The following TXNRD2 variants were observed in gnomAD, a reference collection of about 807,000 sequenced individuals.
TXNRD2 encodes the protein thioredoxin reductase 2, mitochondrial.
A neutral mutation model predicts 70.8 loss-of-function variants in TXNRD2; 67 were observed. That is an observed-to-expected ratio of 0.95 (90% CI 0.78 to 1.16). TXNRD2 has a LOEUF of 1.16. Among genes scored for constraint, TXNRD2 ranks in the 50% most tolerant of loss-of-function variants. The pLI, the probability that TXNRD2 is intolerant of heterozygous loss-of-function variation, is 0.00. For missense variants in TXNRD2, 644 were observed against 719.9 expected (o/e 0.89, Z 1.21); for synonymous variants, 301 against 295.8 (o/e 1.02, Z -0.18).
chr22:19,941,517 G>A, intron 1 of TXNRD2, 184 bp downstream of exon 1: 1 of 1,058,880 alleles, frequency 9.4e-7, no homozygotes, highest in East Asian at 3.3e-5. Flanking sequence ...ACCTGGGAAG[G>A]GGGCTACTTG....
At chr22:19,920,924 A>C (rs922557540) in intron 2 of TXNRD2, among the ~76,000 whole-genome samples, 3 of 152,078 alleles carry the variant, frequency 2.0e-5, no homozygotes, top group African/African-American at 2.4e-5. Context: ...AACACGGTGA[A>C]ACCCTGTCTC....
In TXNRD2 at chr22:19,881,336, T is replaced by C. The variant is rs573014525; in HGVS notation, c.1087-619A>G. The stretch of plus-strand genomic sequence containing the variant: ...CATTCCAGAAATGCATAGAGATCCG[T>C]GGAGATAAACTCAGAGCGCAGCCTG... On this transcript the variant is annotated intron_variant, in intron 12 of 17. Transcript: ENST00000400521. 72 of 361,888 alleles carry C rather than the reference T, an allele frequency of 2.0e-4. No homozygotes were observed. The East Asian group carries it at 2.9e-3, about 14-fold the overall frequency. The allele number at this position is 361,888 out of a possible 1,614,324, so 22.4% of individuals were successfully genotyped here.
At chr22:19,876,837 T>G (rs1478093460) in intron 17 of TXNRD2, 1 of 372,332 alleles carries the variant, frequency 2.7e-6, no homozygotes, top group East Asian at 4.1e-5. Context: ...GGCCGGGGTC[T>G]GGGGTCCCCC....
chr22:19,883,408 T>C lies in TXNRD2; in HGVS notation c.1003A>G (p.Ser335Gly), dbSNP rs770266576. 2 of 1,614,040 alleles carry C rather than the reference T, an allele frequency of 1.2e-6. No homozygotes were observed. ...ACCAGGATCTTCTGAGTGTCGGGGC[T>C]AGTATCTACCCCAGCCTTCTCCAAA... ...LNLEKAGVDT[S>G]PDTQKILVDS... The change falls in exon 12 of 18, where the codon AGC becomes GGC. Residue 335 changes from serine (S) to glycine (G), a missense_variant. Transcript: ENST00000400521.
intron 7 of TXNRD2, among the ~76,000 whole-genome samples, 181 bp from the exon 8 acceptor site, chr22:19,911,628 T>C (rs752496300): frequency 2.6e-5 from 4 of 152,186 alleles, no homozygotes; most frequent in Non-Finnish European, 4.4e-5. Context: ...GCAGGTGGCC[T>C]GTCTGCATCT....
chr22:19,918,977 C>T lies in TXNRD2; in HGVS notation c.257G>A (p.Cys86Tyr), dbSNP rs1255996520. 1 of 1,611,760 alleles carries T rather than the reference C, an allele frequency of 6.2e-7. No individual in the cohort carries two copies. The highest frequency in any genetic ancestry group is 8.5e-7 in the Non-Finnish European group (1 of 1,179,878). Reference sequence around the variant, plus strand: ...CTTGGGGATGCAGCCCACGTTGACGCAGGTGCCGCCGAGGCCCCACCGGGT... The same window carrying T: ...CTTGGGGATGCAGCCCACGTTGACGTAGGTGCCGCCGAGGCCCCACCGGGT... ...QGTRWGLGGT[C>Y]VNVGCIPKKL... Residue 86 changes from cysteine to tyrosine, a missense_variant, in exon 4 of 18, where the codon TGC (cysteine) becomes TAC (tyrosine). Transcript: ENST00000400521.
At chr22:19,911,626 C>T (rs1248461734) in intron 7 of TXNRD2, among the ~76,000 whole-genome samples, 179 bp from the exon 8 acceptor site, 1 of 152,154 alleles carries the variant, frequency 6.6e-6, no homozygotes, top group Non-Finnish European at 1.5e-5. Context: ...CTGCAGGTGG[C>T]CTGTCTGCAT....
intron 11 of TXNRD2, chr22:19,895,203 G>A (rs1939444603): frequency 6.3e-7 from 1 of 1,598,282 alleles, no homozygotes; most frequent in East Asian, 2.2e-5. Flanking sequence ...GCAAGGTGCT[G>A]GGGATGGCAA....
rs1320737536 is a variant in TXNRD2 at position 19,880,252 on chromosome 22, G to A, written c.1202C>T (p.Thr401Ile). The change falls in exon 14 of 18, where the codon ACC (threonine) becomes ATC (isoleucine). Residue 401 changes from threonine to isoleucine, a missense_variant. This residue lies in a region of TXNRD2 where 566 missense variants were observed against 645.0 expected (regional missense o/e 0.88). Transcript: ENST00000400521. Reference protein sequence around the residue: ...DYDNVPTTVFTPLEYGCVGLS... With the variant: ...DYDNVPTTVFIPLEYGCVGLS... ...CCCCACACAGCCATACTCCAGCGGGGTGAAGACGGTCGTGGGAACCTGAAA... is the reference window on the plus strand; with the variant it reads ...CCCCACACAGCCATACTCCAGCGGGATGAAGACGGTCGTGGGAACCTGAAA... 1 of 1,613,676 alleles carries A rather than the reference G, an allele frequency of 6.2e-7. No individual in the cohort carries two copies. Among genetic ancestry groups the A allele is most frequent in the Non-Finnish European group, 8.5e-7 (1 of 1,180,014 alleles).
chr22:19,937,695 C>CA (rs981347019), intron 1 of TXNRD2, among the ~76,000 whole-genome samples: 5 of 152,194 alleles, frequency 3.3e-5, no homozygotes, highest in African/African-American at 9.6e-5. Context: ...TGGTCATACC[C>CA]AAAAAAACTA....
At chr22:19,925,127 A>G (rs1941081026) in intron 2 of TXNRD2, among the ~76,000 whole-genome samples, 1 of 151,790 alleles carries the variant, frequency 6.6e-6, no homozygotes, top group Admixed American at 6.6e-5. Flanking sequence ...TACTAAAATC[A>G]CAAAAAATTA....
chr22:19,889,474 G>A (rs12106645), intron 11 of TXNRD2, among the ~76,000 whole-genome samples: 12,896 of 152,084 alleles, frequency 0.085, 1,800 homozygotes, highest in African/African-American at 0.29. Context: ...AGCTGGGCGC[G>A]GTGGCGGGTG....
chr22:19,918,195 G>C lies in TXNRD2; in HGVS notation c.397C>G (p.Gln133Glu). ...CAGTTCAAGGATTTCACGTGATTTTGAACAGCTTCTGCCATCTTCCTCCTG... is the reference window on the plus strand; with the variant it reads ...CAGTTCAAGGATTTCACGTGATTTTCAACAGCTTCTGCCATCTTCCTCCTG... ...HDWRKMAEAV[Q>E]NHVKSLNWGH... is the part of the protein sequence containing the mutation. The change falls in exon 5 of 18, where the codon CAA (glutamine) becomes GAA (glutamate). Residue 133 changes from glutamine to glutamate, a missense_variant. Physicochemically the swap from Gln to Glu is conservative, Grantham distance 29 (BLOSUM62 2). Transcript: ENST00000400521. 1 of 1,614,178 alleles carries C rather than the reference G, an allele frequency of 6.2e-7. No homozygotes were observed. The highest frequency in any genetic ancestry group is 8.5e-7 in the Non-Finnish European group (1 of 1,180,032).
intron 2 of TXNRD2, among the ~76,000 whole-genome samples, chr22:19,925,808 G>GA (rs1472512188): frequency 3.3e-5 from 5 of 151,796 alleles, no homozygotes; most frequent in Non-Finnish European, 5.9e-5. Context: ...AGCAACAAAG[G>GA]AAAAAAATAG....
chr22:19,926,311 G>A (rs1941142941), intron 2 of TXNRD2, among the ~76,000 whole-genome samples: 1 of 152,028 alleles, frequency 6.6e-6, no homozygotes, highest in African/African-American at 2.4e-5. Flanking sequence ...CCAACATGGT[G>A]AAACCCCATC....
At chr22:19,931,848 T>G (rs1374540235) in intron 1 of TXNRD2, among the ~76,000 whole-genome samples, 1 of 152,020 alleles carries the variant, frequency 6.6e-6, no homozygotes, top group Non-Finnish European at 1.5e-5. Flanking sequence ...AAGGCTGCCC[T>G]CCGTCACAAG....
intron 4 of TXNRD2, 137 bp from the exon 5 acceptor site, chr22:19,918,354 T>C: frequency 1.3e-6 from 1 of 794,928 alleles, no homozygotes; most frequent in Admixed American, 2.1e-5. Flanking sequence ...TGGCAAAACG[T>C]GACATCCATC....
At chr22:19,915,414 G>A (rs1039196642) in intron 6 of TXNRD2, 138 bp from the exon 7 acceptor site, 1 of 871,872 alleles carries the variant, frequency 1.1e-6, no homozygotes, top group Non-Finnish European at 1.9e-6. Flanking sequence ...CAGCAGTTCA[G>A]AGGCCCTATG....
chr22:19,907,244 G>C (rs1265414563), intron 8 of TXNRD2, among the ~76,000 whole-genome samples: 2 of 74,258 alleles, frequency 2.7e-5, no homozygotes, highest in African/African-American at 1.1e-4. Context: ...CCGCTCTCAG[G>C]AGAGTGTGGG....
Sources: gnomAD v4.1 joint callset for allele counts (sites outside exome capture counted in the v4.1 genomes callset) on GRCh38, gnomAD v4.1.1 for gene constraint, gnomAD v4.1.1 regional missense constraint, MANE v1.5 for transcripts, NCBI Gene and HGNC (gene_info 2026-07-23, HGNC 2026-07-21) for gene names.